TENM3: variants seen among roughly 807,000 people sequenced by gnomAD.
The protein encoded by TENM3 is teneurin transmembrane protein 3, also known as teneurin-3.
TENM3 carries 63 observed loss-of-function variants against 255.1 expected under a neutral mutation model. The observed-to-expected ratio is 0.25, with a 90% CI of 0.20 to 0.30. The LOEUF is 0.30. TENM3 is among the 10% of genes least tolerant of loss of function. The probability of loss-of-function intolerance (pLI) is 1.00; values close to 1 mark genes in which losing one functional copy is unlikely to be tolerated. For missense variants in TENM3, 2,929 were observed against 3,461.1 expected, an observed-to-expected ratio of 0.85 and a Z score of 3.86; for synonymous variants, 1,306 against 1,322.3, an observed-to-expected ratio of 0.99 and a Z score of 0.27.
the TENM3 span, among the ~76,000 whole-genome samples, chr4:181,982,869 C>T: frequency 3.1e-4 from 47 of 152,212 alleles, 1 homozygote; most frequent in African/African-American, 9.6e-4. Flanking sequence ...CAGAAATAAA[C>T]TTAGAGTCTT....
the TENM3 span, among the ~76,000 whole-genome samples, chr4:181,896,806 A>C: frequency 6.6e-6 from 1 of 152,194 alleles, no homozygotes; most frequent in Non-Finnish European, 1.5e-5. Context: ...CAGATGCTCC[A>C]GCTGTTCCTC....
the TENM3 span, among the ~76,000 whole-genome samples, chr4:181,512,611 G>A: frequency 6.6e-5 from 10 of 152,092 alleles, no homozygotes; most frequent in Non-Finnish European, 1.3e-4. Flanking sequence ...CCACTTCGTC[G>A]CTAACTCATT....
At chr4:182,493,431 T>C (rs1282963562) in intron 3 of TENM3, among the ~76,000 whole-genome samples, 1 of 152,180 alleles carries the variant, frequency 6.6e-6, no homozygotes, top group Non-Finnish European at 1.5e-5. Flanking sequence ...CGTGTGCCAA[T>C]GACAAAAGCT....
At position 182,237,251 on chromosome 4, in the gene TENM3, T is replaced by C. The variant is rs146930513; in HGVS notation, c.-75-86695T>C. Among the ~76,000 whole-genome samples the C allele has an allele frequency of 6.5e-4, 99 of 152,322 alleles. 1 individual carries two copies. The East Asian group carries it at 0.012, about 19-fold the overall frequency. On this transcript the variant is annotated intron_variant, in intron 1 of 2. Transcript: ENST00000512480. The stretch of plus-strand genomic sequence containing the variant: ...CACATTTTCTTTATCCAGTCTGTCA[T>C]TGATGGGCATTTAGGTTGATTCCAT...
chr4:181,477,046 A>G, the TENM3 span, among the ~76,000 whole-genome samples: 2 of 149,292 alleles, frequency 1.3e-5, no homozygotes, highest in African/African-American at 5.0e-5. Context: ...TTTGCTCAAG[A>G]GAAGAAAGGA....
At chr4:181,560,419 T>C in the TENM3 span, among the ~76,000 whole-genome samples, 2 of 152,212 alleles carry the variant, frequency 1.3e-5, no homozygotes, top group Non-Finnish European at 2.9e-5. Flanking sequence ...TACCATTCAT[T>C]TGCTTTGTTT....
chr4:182,287,645 G>T (rs1484636932), intron 1 of TENM3, among the ~76,000 whole-genome samples: 1 of 103,942 alleles, frequency 9.6e-6, no homozygotes, highest in East Asian at 2.1e-4. Context: ...ACTGAGTCTC[G>T]CTCTGACACC....
At chr4:182,066,385 A>G in the TENM3 span, among the ~76,000 whole-genome samples, 142 of 152,196 alleles carry the variant, frequency 9.3e-4, 1 homozygote, top group Admixed American at 2.7e-3. Flanking sequence ...GTAAATACTA[A>G]CTAGTGATAA....
the TENM3 span, among the ~76,000 whole-genome samples, chr4:181,890,707 G>A: frequency 6.6e-6 from 1 of 151,978 alleles, no homozygotes; most frequent in Admixed American, 6.6e-5. Flanking sequence ...ATATAGTCTT[G>A]TTCATTATTT....
At chr4:181,629,230 T>C in the TENM3 span, among the ~76,000 whole-genome samples, 1 of 152,192 alleles carries the variant, frequency 6.6e-6, no homozygotes, top group African/African-American at 2.4e-5. Flanking sequence ...TATAAGGAGA[T>C]TTTGGGCTGA....
At chr4:182,567,514 C>T (rs979540424) in intron 3 of TENM3, among the ~76,000 whole-genome samples, 1 of 152,148 alleles carries the variant, frequency 6.6e-6, no homozygotes, top group African/African-American at 2.4e-5. Context: ...TCTACATGAC[C>T]TGGCTCCTGT....
the TENM3 span, among the ~76,000 whole-genome samples, chr4:181,455,328 A>T: frequency 1.3e-5 from 2 of 152,078 alleles, no homozygotes; most frequent in Admixed American, 1.3e-4. Flanking sequence ...TGATGTTATG[A>T]CAATCAGTCT....
chr4:182,418,689 G>A (rs1201504962), intron 3 of TENM3, among the ~76,000 whole-genome samples: 2 of 152,030 alleles, frequency 1.3e-5, no homozygotes, highest in African/African-American at 2.4e-5. Context: ...AGCCTCCCAC[G>A]CAGCTGGGGC....
At chr4:181,960,746 G>A in the TENM3 span, among the ~76,000 whole-genome samples, 8 of 152,090 alleles carry the variant, frequency 5.3e-5, no homozygotes, top group South Asian at 2.1e-4. Context: ...TCAACTGCCC[G>A]TAAAATCATT....
intron 1 of TENM3, among the ~76,000 whole-genome samples, chr4:182,244,126 T>G (rs1757489677): frequency 1.3e-5 from 2 of 151,590 alleles, no homozygotes; most frequent in African/African-American, 2.4e-5. Flanking sequence ...GCTAATTTTT[T>G]GTATTTTTAG....
intron 3 of TENM3, among the ~76,000 whole-genome samples, chr4:182,386,894 G>A (rs977892145): frequency 2.6e-5 from 4 of 152,204 alleles, no homozygotes; most frequent in African/African-American, 4.8e-5. Flanking sequence ...CCTGTTCCAC[G>A]GCGCCCAGTC....
chr4:181,499,845 T>C, the TENM3 span, among the ~76,000 whole-genome samples: 1 of 152,216 alleles, frequency 6.6e-6, no homozygotes, highest in Non-Finnish European at 1.5e-5. Context: ...ATAAGTGACT[T>C]TTCAGACGGG....
At chr4:181,842,953 C>A in the TENM3 span, among the ~76,000 whole-genome samples, 3 of 152,172 alleles carry the variant, frequency 2.0e-5, no homozygotes, top group Non-Finnish European at 2.9e-5. Flanking sequence ...TACTCTGTAT[C>A]CCTAGAGTGT....
the TENM3 span, among the ~76,000 whole-genome samples, chr4:181,847,492 T>A: frequency 6.6e-6 from 1 of 152,076 alleles, no homozygotes; most frequent in Non-Finnish European, 1.5e-5. Context: ...AAAAATTAAA[T>A]CCCCTTAACA....
Sources: gnomAD v4.1 joint callset for allele counts (sites outside exome capture counted in the v4.1 genomes callset) on GRCh38, gnomAD v4.1.1 for gene constraint, MANE v1.5 for transcripts, NCBI Gene and HGNC (gene_info 2026-07-23, HGNC 2026-07-21) for gene names.